TRHDE: variants seen among roughly 807,000 people sequenced by gnomAD.
TRHDE encodes thyrotropin releasing hormone degrading enzyme.
Under a neutral mutation model 125.7 loss-of-function variants are expected in TRHDE, and 72 were observed. The observed-to-expected ratio is 0.57, with a 90% CI of 0.47 to 0.70. The LOEUF (loss-of-function observed/expected upper bound fraction) is 0.70, where lower values mean the gene tolerates loss of function less well. Ranked by LOEUF, TRHDE falls within the 30% of genes least tolerant of loss-of-function variation. The pLI is 0.00. For synonymous variants in TRHDE, 509 were observed against 509.1 expected, an observed-to-expected ratio of 1.00 and a Z score of 0.00; for missense variants, 1,110 against 1,327.1, an observed-to-expected ratio of 0.84 and a Z score of 2.54.
intron 2 of TRHDE, among the ~76,000 whole-genome samples, chr12:72,351,895 C>A (rs1870597964): frequency 6.6e-6 from 1 of 151,762 alleles, no homozygotes; most frequent in Non-Finnish European, 1.5e-5. Flanking sequence ...CTCTTTTGTA[C>A]CATAGAGTTT....
intron 3 of TRHDE, among the ~76,000 whole-genome samples, chr12:72,404,128 C>T (rs767556424): frequency 3.0e-4 from 45 of 152,016 alleles, no homozygotes; most frequent in Admixed American, 5.9e-4. Flanking sequence ...AAGACATAAC[C>T]GAGGGCTGAG....
At chr12:72,250,957 TTAAC>T (rs1409221071) in intron 2 of TRHDE, among the ~76,000 whole-genome samples, 2 of 150,802 alleles carry the variant, frequency 1.3e-5, no homozygotes, top group Non-Finnish European at 3.0e-5. Context: ...TCTTATTTAT[TTAAC>T]TTTTTATTTT....
intron 6 of TRHDE, among the ~76,000 whole-genome samples, chr12:72,505,193 TA>T (rs1592496065): frequency 6.6e-6 from 1 of 152,018 alleles, no homozygotes; most frequent in African/African-American, 2.4e-5. Context: ...ATTAAAAGAA[TA>T]AAAAACTCCT....
In TRHDE at chr12:72,597,713, GTATATATATATATATATATATATATATA is replaced by G. The variant is rs762515309; in HGVS notation, c.2322-21160_2322-21133del. ...GAGGTATATATATGTGTGTGTGTAT[GTATATATATATATATATATATATATATA>G]TATATATATATATATATGCATACAC... On this transcript the variant is annotated intron_variant, in intron 12 of 18. Transcript: ENST00000261180. Among the ~76,000 whole-genome samples the G allele has an allele frequency of 7.0e-4, 13 of 18,484 alleles. 1 individual carries two copies. Among genetic ancestry groups the G allele is most frequent in the South Asian group, 2.4e-3 (1 of 420 alleles). The allele number at this position is 18,484 out of a possible 152,430, so 12.1% of individuals were successfully genotyped here.
At chr12:72,189,573 G>A (rs551213840) in intron 2 of TRHDE, among the ~76,000 whole-genome samples, 1 of 152,298 alleles carries the variant, frequency 6.6e-6, no homozygotes, top group South Asian at 2.1e-4. Context: ...CTTGAGATTG[G>A]AAGAAAAATT....
At chr12:72,208,596 T>A (rs917472368) in intron 2 of TRHDE, among the ~76,000 whole-genome samples, 3 of 152,198 alleles carry the variant, frequency 2.0e-5, no homozygotes, top group Non-Finnish European at 4.4e-5. Context: ...TTGGGTAAGT[T>A]ACTAAAATCC....
intron 7 of TRHDE, among the ~76,000 whole-genome samples, chr12:72,546,935 C>T (rs558729744): frequency 1.9e-4 from 29 of 151,772 alleles, no homozygotes; most frequent in African/African-American, 7.0e-4. Flanking sequence ...TACTGCTATC[C>T]ATATCTTTTA....
At chr12:72,270,867 C>T (rs1349122178), upstream of TRHDE, among the ~76,000 whole-genome samples, 1 of 152,214 alleles carries the variant, frequency 6.6e-6, no homozygotes, top group Non-Finnish European at 1.5e-5. Flanking sequence ...AGTCCATAAC[C>T]AGCCAATGGG....
chr12:72,666,060 A>G lies in TRHDE; in HGVS notation c.*2865A>G, dbSNP rs1339005924. 1.3e-5 allele frequency: 2 copies of G among 151,968 alleles called. No individual in the cohort carries two copies. The highest frequency in any genetic ancestry group is 2.9e-5 in the Non-Finnish European group (2 of 68,006). 9.4% of individuals were successfully genotyped at this position (151,968 alleles called of 1,614,324 possible). On this transcript the variant is annotated 3_prime_UTR_variant, in exon 19 of 19. Transcript: ENST00000261180. Reference sequence around the variant, plus strand: ...TAAGATTTTTGTGATAGTATTATTTACAAATATTATAAGTATAATATCTTG... The same window carrying G: ...TAAGATTTTTGTGATAGTATTATTTGCAAATATTATAAGTATAATATCTTG...
intron 2 of TRHDE, among the ~76,000 whole-genome samples, chr12:72,141,856 C>T (rs1876118463): frequency 6.6e-6 from 1 of 152,088 alleles, no homozygotes; most frequent in South Asian, 2.1e-4. Flanking sequence ...TTTCCCCTAC[C>T]CACTAGAAAT....
chr12:72,634,308 A>T (rs1330062109), intron 15 of TRHDE, among the ~76,000 whole-genome samples: 3 of 152,156 alleles, frequency 2.0e-5, no homozygotes, highest in African/African-American at 7.2e-5. Context: ...AACAAGGTCA[A>T]ACTTTGTAAA....
chr12:72,386,107 A>G (rs1355220747), intron 3 of TRHDE, among the ~76,000 whole-genome samples: 1 of 152,108 alleles, frequency 6.6e-6, no homozygotes, highest in Admixed American at 6.6e-5. Flanking sequence ...TTACATTTTT[A>G]ATTTGTTTAC....
chr12:72,348,584 T>C (rs914264353), intron 2 of TRHDE, among the ~76,000 whole-genome samples: 1 of 152,070 alleles, frequency 6.6e-6, no homozygotes, highest in African/African-American at 2.4e-5. Flanking sequence ...TTTGCCCTAC[T>C]CTTCTTATTA....
At chr12:72,350,870 C>A (rs1000312563) in intron 2 of TRHDE, among the ~76,000 whole-genome samples, 1 of 151,974 alleles carries the variant, frequency 6.6e-6, no homozygotes, top group Non-Finnish European at 1.5e-5. Context: ...AAAAATCTCA[C>A]AGGTGAAATT....
intron 2 of TRHDE, among the ~76,000 whole-genome samples, chr12:72,142,666 C>A (rs745499252): frequency 6.6e-6 from 1 of 152,128 alleles, no homozygotes; most frequent in Non-Finnish European, 1.5e-5. Flanking sequence ...CCCTACCCTG[C>A]ACCCATATAA....
At chr12:72,489,430 T>C (rs1204200241) in intron 5 of TRHDE, among the ~76,000 whole-genome samples, 1 of 151,840 alleles carries the variant, frequency 6.6e-6, no homozygotes, top group Non-Finnish European at 1.5e-5. Flanking sequence ...GAAAGCAATG[T>C]ACAGATTCAA....
chr12:72,194,336 T>A (rs1877396340), intron 2 of TRHDE, among the ~76,000 whole-genome samples: 1 of 152,106 alleles, frequency 6.6e-6, no homozygotes, highest in South Asian at 2.1e-4. Flanking sequence ...GACCTCTCAT[T>A]TGTACTATTG....
chr12:72,325,728 TAA>T (rs935067305), intron 2 of TRHDE, among the ~76,000 whole-genome samples: 1 of 152,176 alleles, frequency 6.6e-6, no homozygotes, highest in Non-Finnish European at 1.5e-5. Flanking sequence ...ATTGTAAGGA[TAA>T]GTTTAATTAC....
chr12:72,495,234 A>T (rs1877865319), intron 5 of TRHDE, among the ~76,000 whole-genome samples: 1 of 151,886 alleles, frequency 6.6e-6, no homozygotes, highest in Non-Finnish European at 1.5e-5. Context: ...CTTCAGCAAC[A>T]CCTTGTTCTA....
Sources: allele counts gnomAD v4.1 joint callset (sites outside exome capture counted in the v4.1 genomes callset), GRCh38; gene constraint gnomAD v4.1.1; transcripts MANE v1.5; gene names NCBI Gene and HGNC (gene_info 2026-07-23, HGNC 2026-07-21).